The following KCNJ6 variants were observed in gnomAD, a reference collection of about 807,000 sequenced individuals.
KCNJ6 encodes the protein potassium inwardly rectifying channel subfamily J member 6.
In KCNJ6, 9 loss-of-function variants were observed where a neutral mutation model predicts 34.2. The observed-to-expected ratio is 0.26, with a 90% CI of 0.16 to 0.46. KCNJ6 has a LOEUF of 0.46. Ranked by LOEUF, KCNJ6 falls within the 20% of genes least tolerant of loss-of-function variation. KCNJ6 has a pLI of 1.00. For missense variants in KCNJ6, 236 were observed against 531.3 expected (o/e 0.44, Z 5.46); for synonymous variants, 196 against 207.1 (o/e 0.95, Z 0.46).
In KCNJ6 at chr21:37,714,819, A is replaced by C. The variant is rs2054781091; in HGVS notation, c.338T>G (p.Leu113Trp). ...TWLFFGMIWW[L>W]IAYIRGDMDH... ...CATGTCTCCCCGTATGTATGCGATC[A>C]ACCACCAGATCATTCCAAAAAAGAG... The change falls in exon 3 of 4, where the codon TTG becomes TGG. Residue 113 changes from leucine (L) to tryptophan (W), a missense_variant. Physicochemically the swap from Leu to Trp is moderately conservative, Grantham distance 61 (BLOSUM62 -2). Coordinates refer to ENST00000609713, the MANE Select transcript of KCNJ6 (RefSeq NM_002240.5). This position sits in a 1 kb window ranked among gnomAD's most constrained non-coding sequence, Gnocchi z 5.9. The C allele has an allele frequency of 6.2e-7, 1 of 1,614,244 alleles. No homozygotes were observed. Among genetic ancestry groups the C allele is most frequent in the East Asian group, 2.2e-5 (1 of 44,884 alleles).
chr21:37,607,482 A>ATATATATATATATATATATATATATTTT lies in KCNJ6; in HGVS notation c.*17676_*17677insAAAATATATATATATATATATATATATA. ...CTTAAAGATATATATATATATATATATTTTTTTTTTATTTTAAAAAAATTT... is the reference window on the plus strand; with the variant it reads ...CTTAAAGATATATATATATATATATATATATATATATATATATATATATATTTTTTTTTTTTTTATTTTAAAAAAATTT... On this transcript the variant is annotated 3_prime_UTR_variant, in exon 4 of 4. Transcript: ENST00000609713. 2 of 136,764 alleles carry ATATATATATATATATATATATATATTTT rather than the reference A, an allele frequency of 1.5e-5. No individual in the cohort carries two copies. The highest frequency in any genetic ancestry group is 7.4e-5 in the Admixed American group (1 of 13,444). The allele number at this position is 136,764 out of a possible 1,614,324, so 8.5% of individuals were successfully genotyped here.
chr21:37,678,060 T>C (rs1227438396), intron 3 of KCNJ6, among the ~76,000 whole-genome samples: 1 of 152,062 alleles, frequency 6.6e-6, no homozygotes, highest in Non-Finnish European at 1.5e-5. Flanking sequence ...GTTAAATGCA[T>C]TTGAGTGTTA....
At chr21:37,760,628 C>T (rs575377440) in intron 2 of KCNJ6, among the ~76,000 whole-genome samples, 1 of 152,198 alleles carries the variant, frequency 6.6e-6, no homozygotes, top group South Asian at 2.1e-4. Context: ...CGAGCCAGTA[C>T]CCTTGCTCCT....
At chr21:37,710,810 A>G (rs1292507531) in intron 3 of KCNJ6, among the ~76,000 whole-genome samples, 2 of 152,250 alleles carry the variant, frequency 1.3e-5, no homozygotes, top group African/African-American at 4.8e-5. Context: ...AAACACCACT[A>G]TCTCAAAATC....
At chr21:37,705,264 G>C (rs1398005851) in intron 3 of KCNJ6, among the ~76,000 whole-genome samples, 1 of 152,196 alleles carries the variant, frequency 6.6e-6, no homozygotes, top group Non-Finnish European at 1.5e-5. Flanking sequence ...CAGATAGACT[G>C]GGGAAGGGGC....
chr21:37,650,423 G>A (rs991228972), intron 3 of KCNJ6, among the ~76,000 whole-genome samples: 1 of 152,194 alleles, frequency 6.6e-6, no homozygotes, highest in South Asian at 2.1e-4. Flanking sequence ...GTTGTCAGGT[G>A]CACATATGGT....
chr21:37,742,953 T>C (rs530799772), intron 2 of KCNJ6, among the ~76,000 whole-genome samples: 34 of 152,346 alleles, frequency 2.2e-4, no homozygotes, highest in Admixed American at 2.0e-3. Context: ...TGTGCCCACA[T>C]GTTGCCTCTG....
At chr21:37,651,493 C>T (rs938278992) in intron 3 of KCNJ6, among the ~76,000 whole-genome samples, 1 of 152,088 alleles carries the variant, frequency 6.6e-6, no homozygotes, top group African/African-American at 2.4e-5. Context: ...GAGGAGCCTT[C>T]CCAGTGGTCT....
intron 3 of KCNJ6, among the ~76,000 whole-genome samples, chr21:37,663,609 G>C (rs1441473604): frequency 6.6e-6 from 1 of 152,080 alleles, no homozygotes; most frequent in Non-Finnish European, 1.5e-5. Flanking sequence ...TACTAATATG[G>C]GACAACATGG....
chr21:37,882,092 G>C (rs991476100), intron 1 of KCNJ6, among the ~76,000 whole-genome samples: 2 of 152,174 alleles, frequency 1.3e-5, no homozygotes, highest in Admixed American at 6.5e-5. Context: ...CTATGGAGGT[G>C]AGAATTCAGT....
chr21:37,834,226 AGC>A (rs2055440749), intron 2 of KCNJ6, among the ~76,000 whole-genome samples: 2 of 152,226 alleles, frequency 1.3e-5, no homozygotes, highest in South Asian at 4.1e-4. Context: ...GAAAAATTCA[AGC>A]CACATACAGG....
intron 3 of KCNJ6, among the ~76,000 whole-genome samples, chr21:37,681,684 A>C (rs188357172): frequency 8.2e-4 from 125 of 152,334 alleles, no homozygotes; most frequent in African/African-American, 2.7e-3. Flanking sequence ...GTGACTTTAA[A>C]AATCTTTCTA....
intron 3 of KCNJ6, among the ~76,000 whole-genome samples, chr21:37,632,994 A>G (rs1270327397): frequency 6.6e-6 from 1 of 152,132 alleles, no homozygotes; most frequent in Admixed American, 6.5e-5. Context: ...TAAGGCAAAT[A>G]ATCTTGATAA....
intron 2 of KCNJ6, among the ~76,000 whole-genome samples, chr21:37,807,973 G>A (rs992890006): frequency 3.9e-5 from 6 of 152,150 alleles, no homozygotes; most frequent in Non-Finnish European, 7.4e-5. Flanking sequence ...TGACATGCAG[G>A]GAAAGTTGGC....
intron 1 of KCNJ6, among the ~76,000 whole-genome samples, chr21:37,872,236 G>A (rs539231275): frequency 6.6e-6 from 1 of 152,276 alleles, no homozygotes; most frequent in South Asian, 2.1e-4. Flanking sequence ...TCAAGAATGA[G>A]TATATCTATC....
At chr21:37,825,602 A>C (rs938089911) in intron 2 of KCNJ6, among the ~76,000 whole-genome samples, 54 of 152,302 alleles carry the variant, frequency 3.5e-4, no homozygotes, top group African/African-American at 1.2e-3. Flanking sequence ...CTCCAAACAC[A>C]TACTGTGCTT....
chr21:37,817,953 G>T (rs1278006604), intron 2 of KCNJ6, among the ~76,000 whole-genome samples: 1 of 152,154 alleles, frequency 6.6e-6, no homozygotes, highest in Admixed American at 6.5e-5. Context: ...TAGACAAACT[G>T]GATATTGGCC....
chr21:37,700,926 C>T (rs985164813), intron 3 of KCNJ6, among the ~76,000 whole-genome samples: 17 of 152,088 alleles, frequency 1.1e-4, no homozygotes, highest in African/African-American at 3.6e-4. Context: ...CTGTGGAGCA[C>T]GTGGGAGGGA....
intron 1 of KCNJ6, among the ~76,000 whole-genome samples, chr21:37,873,607 T>C (rs2055663252): frequency 6.6e-6 from 1 of 152,224 alleles, no homozygotes; most frequent in Non-Finnish European, 1.5e-5. Context: ...TATAAGTGTT[T>C]CTGCACTGAA....
Sources: gnomAD v4.1 joint callset for allele counts (sites outside exome capture counted in the v4.1 genomes callset) on GRCh38, gnomAD v4.1.1 for gene constraint, Gnocchi (gnomAD v3.1) non-coding constraint, MANE v1.5 for transcripts, NCBI Gene and HGNC (gene_info 2026-07-23, HGNC 2026-07-21) for gene names.